TXNDC11: variants seen among roughly 807,000 people sequenced by gnomAD.
The protein encoded by TXNDC11 is thioredoxin domain-containing protein 11.
A neutral mutation model predicts 78.0 loss-of-function variants in TXNDC11; 68 were observed. The observed-to-expected ratio is 0.87, with a 90% CI of 0.72 to 1.07. The LOEUF (loss-of-function observed/expected upper bound fraction) is 1.07, where lower values mean the gene tolerates loss of function less well. Among genes scored for constraint, TXNDC11 ranks in the 50% least tolerant of loss-of-function variants. The pLI is 0.00. For synonymous variants in TXNDC11, 571 were observed against 495.2 expected (o/e 1.15, Z -2.03); for missense variants, 1,389 against 1,221.8 (o/e 1.14, Z -2.04).
chr16:11,702,881 T>A (rs1041364424), intron 5 of TXNDC11, among the ~76,000 whole-genome samples: 12 of 152,270 alleles, frequency 7.9e-5, no homozygotes, highest in Middle Eastern at 3.4e-3. Flanking sequence ...GGAGTGAGTA[T>A]GTCCCTACTG....
intron 5 of TXNDC11, among the ~76,000 whole-genome samples, chr16:11,700,946 G>A (rs563818803): frequency 4.0e-4 from 61 of 152,180 alleles, no homozygotes; most frequent in Admixed American, 1.0e-3. Context: ...TACTTTCTGT[G>A]AGAAGCCTTC....
intron 5 of TXNDC11, among the ~76,000 whole-genome samples, chr16:11,719,173 C>T (rs2051630768): frequency 6.6e-6 from 1 of 152,182 alleles, no homozygotes; most frequent in East Asian, 1.9e-4. Context: ...GAAATGGCCT[C>T]TTCAGCTCAC....
At chr16:11,689,967 T>A (rs555374790) in intron 8 of TXNDC11, 192 of 152,348 alleles carry the variant, frequency 1.3e-3, no homozygotes, top group African/African-American at 4.4e-3. Flanking sequence ...TGTAACTTGA[T>A]ATAGAAAAAT....
intron 5 of TXNDC11, among the ~76,000 whole-genome samples, chr16:11,706,666 T>C (rs1334881444): frequency 1.3e-5 from 2 of 152,196 alleles, no homozygotes; most frequent in African/African-American, 2.4e-5. Context: ...TCCCCAAGTA[T>C]AGCTTTGGCT....
At position 11,685,154 on chromosome 16, in the gene TXNDC11, AG is replaced by A. The variant is rs747310944; in HGVS notation, c.2154-910del. Among the ~76,000 whole-genome samples, 3 of 152,292 alleles carry A rather than the reference AG, an allele frequency of 2.0e-5. No individual in the cohort carries two copies. In the South Asian group the frequency reaches 6.2e-4, roughly 32 times the overall value. On this transcript the variant is annotated intron_variant, in intron 10 of 11. Transcript: ENST00000283033. Reference sequence around the variant, plus strand: ...CGAGGTGGGTGGACTGTTTGAGCCCAGGAGTTCGAGACTAGCCTGGGCAACA... The same window carrying A: ...CGAGGTGGGTGGACTGTTTGAGCCCAGAGTTCGAGACTAGCCTGGGCAACA...
In TXNDC11 at chr16:11,679,568, T is replaced by C; in HGVS notation, c.2504A>G (p.Glu835Gly). ...ESQLSSARRD[E>G]HRLRQQQRAL... ...CCGCTGCTGCTGCCGCAGCCGGTGC[T>C]CATCTCTGCGGGCACTGGAGAGCTG... is the stretch of plus-strand genomic sequence containing the variant. Residue 835 changes from glutamate (E) to glycine (G), a missense_variant, in exon 12 of 12, where the codon GAG becomes GGG. Glu to Gly is a moderately conservative substitution (Grantham distance 98). Transcript: ENST00000283033. The surrounding 1 kb of genome is among the most constrained non-coding windows in gnomAD (Gnocchi z 4.6). 3 of 1,613,980 alleles carry C rather than the reference T, an allele frequency of 1.9e-6. No individual in the cohort carries two copies. Among genetic ancestry groups the C allele is most frequent in the Non-Finnish European group, 2.5e-6 (3 of 1,180,028 alleles).
At chr16:11,723,609 A>C (rs973354247) in intron 4 of TXNDC11, among the ~76,000 whole-genome samples, 4 of 152,082 alleles carry the variant, frequency 2.6e-5, no homozygotes, top group African/African-American at 9.7e-5. Flanking sequence ...ACAAAAAAAA[A>C]ACCCACAAAA....
intron 2 of TXNDC11, among the ~76,000 whole-genome samples, 166 bp from the exon 3 acceptor site, chr16:11,734,245 A>T (rs1229478907): frequency 6.6e-6 from 1 of 152,246 alleles, no homozygotes; most frequent in African/African-American, 2.4e-5. Flanking sequence ...CACTAAAACA[A>T]AAAAGAAAGA....
At chr16:11,721,331 C>A in intron 5 of TXNDC11, 1 of 265,318 alleles carries the variant, frequency 3.8e-6, no homozygotes, top group South Asian at 3.6e-5. Flanking sequence ...ACTCCAGCTA[C>A]TCAGGAGGCT....
chr16:11,700,046 G>A (rs989341282), intron 6 of TXNDC11, among the ~76,000 whole-genome samples: 2 of 152,170 alleles, frequency 1.3e-5, no homozygotes, highest in African/African-American at 4.8e-5. Flanking sequence ...ATCAGCTAAG[G>A]AGAAAAGCAT....
At chr16:11,737,164 A>C (rs1020423287) in intron 1 of TXNDC11, among the ~76,000 whole-genome samples, 1 of 152,176 alleles carries the variant, frequency 6.6e-6, no homozygotes, top group African/African-American at 2.4e-5. Flanking sequence ...AAAGTAAAGG[A>C]GACCAGGCGT....
At chr16:11,721,907 T>G (rs575965162) in intron 4 of TXNDC11, among the ~76,000 whole-genome samples, 1 of 152,306 alleles carries the variant, frequency 6.6e-6, no homozygotes, top group East Asian at 1.9e-4. Flanking sequence ...GATTGTACAG[T>G]GGTCATTCAG....
chr16:11,693,786 A>G (rs985500282), intron 7 of TXNDC11, among the ~76,000 whole-genome samples: 5 of 152,174 alleles, frequency 3.3e-5, no homozygotes, highest in Non-Finnish European at 7.3e-5. Context: ...AGCATGCAGT[A>G]CTAACAAGGT....
chr16:11,742,033 A>C (rs918780706), intron 1 of TXNDC11: 1 of 158,448 alleles, frequency 6.3e-6, no homozygotes, highest in African/African-American at 2.4e-5. Context: ...CTCCGTCTCA[A>C]AATAAAAATA....
chr16:11,702,330 C>T (rs2051055301), intron 5 of TXNDC11, among the ~76,000 whole-genome samples: 1 of 152,048 alleles, frequency 6.6e-6, no homozygotes, highest in African/African-American at 2.4e-5. Context: ...TACATTCTTT[C>T]CTATCCCCTT....
At chr16:11,722,043 CAA>C (rs1308124279) in intron 4 of TXNDC11, among the ~76,000 whole-genome samples, 1 of 152,212 alleles carries the variant, frequency 6.6e-6, no homozygotes, top group East Asian at 1.9e-4. Flanking sequence ...TCGCTTTTAA[CAA>C]CTCCAGACAA....
intron 6 of TXNDC11, among the ~76,000 whole-genome samples, chr16:11,699,862 G>A (rs1177180507): frequency 3.3e-5 from 5 of 152,236 alleles, no homozygotes; most frequent in Admixed American, 6.5e-5. Flanking sequence ...CAGAGTAGAC[G>A]CATAGGACTG....
rs765358813 is a variant in TXNDC11, at chr16:11,700,433, G to T, written c.906+19C>A. The stretch of plus-strand genomic sequence containing the variant: ...TAAGAACCACTGCGCTAACATAAAC[G>T]TGATTTCAAAATACTTACAAGTGAT... On this transcript the variant is annotated intron_variant, in intron 6 of 11. Coordinates refer to ENST00000283033, the MANE Select transcript of TXNDC11 (RefSeq NM_015914.7). 8.1e-7 allele frequency: 1 copy of T among 1,234,952 alleles called. No individual in the cohort carries two copies. The highest frequency in any genetic ancestry group is 1.3e-5 in the South Asian group (1 of 77,696). The allele number at this position is 1,234,952 out of a possible 1,614,324, so 76.5% of individuals were successfully genotyped here. A position where few individuals can be genotyped will look rare whatever the true frequency, so the allele number is the denominator to read the frequency against.
intron 5 of TXNDC11, among the ~76,000 whole-genome samples, chr16:11,709,423 ATTTTTTTTTTTTTTTT>A (rs149701958): frequency 5.4e-5 from 3 of 55,592 alleles, no homozygotes; most frequent in Admixed American, 2.5e-4. Flanking sequence ...AATTTTTTGT[ATTTTTTTTTTTTTTTT>A]TTTTTTTTTT....
Sources: gnomAD v4.1 joint callset for allele counts (sites outside exome capture counted in the v4.1 genomes callset) on GRCh38, gnomAD v4.1.1 for gene constraint, Gnocchi (gnomAD v3.1) non-coding constraint, MANE v1.5 for transcripts, NCBI Gene and HGNC (gene_info 2026-07-23, HGNC 2026-07-21) for gene names.